MCF2L2: variants seen among roughly 807,000 people sequenced by gnomAD.
The protein encoded by MCF2L2 is probable guanine nucleotide exchange factor MCF2L2.
Under a neutral mutation model 150.2 loss-of-function variants are expected in MCF2L2, and 102 were observed. The ratio of observed to expected loss-of-function variants is 0.68; its 90% CI spans 0.58 to 0.80. The LOEUF (loss-of-function observed/expected upper bound fraction) is 0.80. Ranked by LOEUF, MCF2L2 falls within the 30% of genes least tolerant of loss-of-function variation. MCF2L2 has a pLI of 0.00. For missense variants in MCF2L2, 1,256 were observed against 1,372.8 expected (o/e 0.91, Z 1.34); for synonymous variants, 465 against 491.3 (o/e 0.95, Z 0.71).
rs779408901 is a variant in MCF2L2, at chr3:183,373,035, CT to C, written c.275+6261del. On this transcript the variant is annotated intron_variant, in intron 3 of 29. Coordinates refer to ENST00000328913, the MANE Select transcript of MCF2L2 (RefSeq NM_015078.4). ...GTGGCTCAGAATATTTTACTAATGT[CT>C]TTTCAGACCATCTGGCTCTACTCTG... 5 of 152,202 alleles carry C rather than the reference CT, an allele frequency of 3.3e-5. No individual in the cohort carries two copies. In the East Asian group the frequency reaches 7.7e-4, roughly 23 times the overall value. The allele number at this position is 152,202 out of a possible 1,614,324, so 9.4% of individuals were successfully genotyped here. A position where few individuals can be genotyped will look rare whatever the true frequency, so the allele number is the denominator to read the frequency against.
Position 183,367,854 on chromosome 3 carries a change from C to G in MCF2L2, c.275+11443G>C, listed in dbSNP as rs1018717918. On this transcript the variant is annotated intron_variant, in intron 3 of 29. Transcript: ENST00000328913. ...ATCATAATACGCAAAACTCATTTTT[C>G]ACAGTAAAGAAACACAAGATACTGT... Among the ~76,000 whole-genome samples, 72 of 152,094 alleles carry G rather than the reference C, an allele frequency of 4.7e-4. 2 individuals are homozygous for G. The highest frequency in any genetic ancestry group is 1.4e-3 in the Admixed American group (22 of 15,264).
At chr3:183,272,200 A>C (rs191102229) in intron 15 of MCF2L2, 271 of 999,978 alleles carry the variant, frequency 2.7e-4, no homozygotes, top group Non-Finnish European at 3.2e-4. Context: ...CTAATAGAGT[A>C]AGTTACATTT....
intron 1 of MCF2L2, among the ~76,000 whole-genome samples, chr3:183,420,873 C>T (rs966218848): frequency 6.6e-6 from 1 of 152,198 alleles, no homozygotes; most frequent in African/African-American, 2.4e-5. Context: ...CAATCACCCC[C>T]CACCAGGTCC....
chr3:183,230,129 AT>A (rs1723494054), intron 16 of MCF2L2, among the ~76,000 whole-genome samples: 1 of 152,136 alleles, frequency 6.6e-6, no homozygotes, highest in Non-Finnish European at 1.5e-5. Flanking sequence ...TATTATTAAT[AT>A]TGAGACGAAG....
chr3:183,193,497 T>C (rs1396784107), intron 26 of MCF2L2, among the ~76,000 whole-genome samples: 9 of 152,076 alleles, frequency 5.9e-5, no homozygotes, highest in Admixed American at 5.9e-4. Flanking sequence ...ACTACATGCG[T>C]GTGCCACCAC....
intron 15 of MCF2L2, among the ~76,000 whole-genome samples, chr3:183,265,063 C>G (rs1315469118): frequency 1.3e-5 from 2 of 152,246 alleles, no homozygotes; most frequent in African/African-American, 4.8e-5. Context: ...GTCCTCTTCT[C>G]TCCCATGCTT....
intron 3 of MCF2L2, among the ~76,000 whole-genome samples, chr3:183,368,802 T>C (rs969305556): frequency 6.6e-6 from 1 of 152,148 alleles, no homozygotes; most frequent in African/African-American, 2.4e-5. Flanking sequence ...TCTGGTTCTT[T>C]ACAGAAAAAG....
intron 2 of MCF2L2, among the ~76,000 whole-genome samples, chr3:183,387,370 A>G (rs1713891487): frequency 6.6e-6 from 1 of 152,132 alleles, no homozygotes; most frequent in Non-Finnish European, 1.5e-5. Context: ...TTCCTAAAGC[A>G]GAAGTGTCTT....
chr3:183,275,496 A>T (rs1272103114), intron 15 of MCF2L2, among the ~76,000 whole-genome samples: 3 of 152,238 alleles, frequency 2.0e-5, no homozygotes, highest in Non-Finnish European at 4.4e-5. Flanking sequence ...GCCTTTTCTC[A>T]AAGTTCTTTT....
Position 183,283,757 on chromosome 3 carries a change from G to A in MCF2L2, c.1776+5363C>T, listed in dbSNP as rs1008539000. 6.6e-6 allele frequency among the ~76,000 whole-genome samples: 1 copy of A among 152,000 alleles called. No individual in the cohort carries two copies. Among genetic ancestry groups the A allele is most frequent in the Admixed American group, 6.6e-5 (1 of 15,250 alleles). On this transcript the variant is annotated intron_variant, in intron 14 of 29. Transcript: ENST00000328913. The surrounding 1 kb of genome is among the most constrained non-coding windows in gnomAD (Gnocchi z 4.2). ...GTCTGGTCTTGAACTCCTGAACTCA[G>A]GTGATCCACCCACCTCAGCCTCCCA...
chr3:183,255,210 G>A (rs899078073), intron 15 of MCF2L2, among the ~76,000 whole-genome samples: 3 of 152,204 alleles, frequency 2.0e-5, no homozygotes, highest in Non-Finnish European at 2.9e-5. Flanking sequence ...CCCAGAAAAG[G>A]ATGATTGAAG....
intron 3 of MCF2L2, among the ~76,000 whole-genome samples, chr3:183,365,398 G>C (rs530569582): frequency 1.3e-5 from 2 of 152,270 alleles, no homozygotes; most frequent in South Asian, 4.1e-4. Context: ...CAAAGCTTAA[G>C]GGATGGGGAG....
intron 1 of MCF2L2, among the ~76,000 whole-genome samples, chr3:183,391,347 T>C (rs1714137065): frequency 6.6e-6 from 1 of 151,764 alleles, no homozygotes; most frequent in Non-Finnish European, 1.5e-5. Flanking sequence ...AATTCCCCCA[T>C]TGTTTTGGGT....
chr3:183,190,314 C>T (rs930899496), intron 27 of MCF2L2, among the ~76,000 whole-genome samples: 4 of 152,212 alleles, frequency 2.6e-5, no homozygotes, highest in South Asian at 2.1e-4. Context: ...CCACTTAACA[C>T]CAATAATGAG....
Position 183,276,867 on chromosome 3 carries a change from C to A in MCF2L2, c.1862+5G>T. 1 of 1,604,574 alleles carries A rather than the reference C, an allele frequency of 6.2e-7. No individual in the cohort carries two copies. Among genetic ancestry groups the A allele is most frequent in the South Asian group, 1.1e-5 (1 of 89,334 alleles). On this transcript the variant is annotated splice_donor_5th_base_variant and intron_variant, in intron 15 of 29. Transcript: ENST00000328913. ...CCCCCTGCACCCACGGATGTGCAGT[C>A]TTACCTGCGGGGGGAAAGGTCTCCG... is the stretch of plus-strand genomic sequence containing the variant.
intron 1 of MCF2L2, among the ~76,000 whole-genome samples, chr3:183,398,325 A>C (rs1714570726): frequency 1.3e-5 from 2 of 152,178 alleles, no homozygotes; most frequent in African/African-American, 4.8e-5. Context: ...CCAGGCTGCA[A>C]GGTGACAACT....
chr3:183,193,119 A>G (rs748764030), intron 26 of MCF2L2, 23 bp from the exon 27 acceptor site: 33 of 1,592,488 alleles, frequency 2.1e-5, no homozygotes, highest in Non-Finnish European at 2.8e-5. Context: ...AAACATGAAT[A>G]TTGAGTCACT....
At chr3:183,215,873 T>C (rs993207232) in intron 22 of MCF2L2, 96 bp downstream of exon 22, 1 of 1,436,040 alleles carries the variant, frequency 7.0e-7, no homozygotes, top group Non-Finnish European at 9.3e-7. Flanking sequence ...TCCTTTACCA[T>C]AGACGATCTC....
chr3:183,384,941 T>C (rs914363295), intron 2 of MCF2L2, among the ~76,000 whole-genome samples: 1 of 152,148 alleles, frequency 6.6e-6, no homozygotes, highest in Admixed American at 6.5e-5. Flanking sequence ...AAAGGAGATA[T>C]TCAGTCAAAC....
Sources: gnomAD v4.1 joint callset for allele counts (sites outside exome capture counted in the v4.1 genomes callset) on GRCh38, gnomAD v4.1.1 for gene constraint, Gnocchi (gnomAD v3.1) non-coding constraint, MANE v1.5 for transcripts, NCBI Gene and HGNC (gene_info 2026-07-23, HGNC 2026-07-21) for gene names.